CCSER1: variants seen among roughly 807,000 people sequenced by gnomAD.
The protein encoded by CCSER1 is serine-rich coiled-coil domain-containing protein 1.
Under a neutral mutation model 82.0 loss-of-function variants are expected in CCSER1, and 41 were observed. The ratio of observed to expected loss-of-function variants is 0.50; its 90% CI spans 0.39 to 0.65. CCSER1 has a LOEUF of 0.65. Among genes scored for constraint, CCSER1 ranks in the 30% least tolerant of loss-of-function variants. The probability of loss-of-function intolerance (pLI) is 0.00; values close to 1 mark genes in which losing one functional copy is unlikely to be tolerated. For synonymous variants in CCSER1, 414 were observed against 383.9 expected, an observed-to-expected ratio of 1.08 and a Z score of -0.92; for missense variants, 1,119 against 1,064.2, an observed-to-expected ratio of 1.05 and a Z score of -0.72.
chr4:91,470,267 ATT>A (rs1252154252), intron 10 of CCSER1, among the ~76,000 whole-genome samples: 1 of 152,194 alleles, frequency 6.6e-6, no homozygotes, highest in Admixed American at 6.5e-5. Context: ...TTTATTTCAC[ATT>A]TAAAGTTTCA....
intron 1 of CCSER1, among the ~76,000 whole-genome samples, chr4:90,131,298 G>C (rs1016417685): frequency 1.3e-5 from 2 of 152,234 alleles, no homozygotes; most frequent in Non-Finnish European, 2.9e-5. Flanking sequence ...ACCACGCCTG[G>C]CTTATATTGC....
At chr4:91,421,528 T>C (rs1484213065) in intron 10 of CCSER1, among the ~76,000 whole-genome samples, 1 of 152,176 alleles carries the variant, frequency 6.6e-6, no homozygotes, top group Non-Finnish European at 1.5e-5. Context: ...TATGGAGGCG[T>C]ATCTTCTTTA....
intron 4 of CCSER1, among the ~76,000 whole-genome samples, chr4:90,437,876 A>G (rs1165035830): frequency 6.6e-6 from 1 of 152,162 alleles, no homozygotes; most frequent in Non-Finnish European, 1.5e-5. Context: ...AGGTGATTTC[A>G]TGTTTATTCT....
intron 9 of CCSER1, among the ~76,000 whole-genome samples, chr4:90,925,537 T>C (rs1221630930): frequency 6.6e-6 from 1 of 152,174 alleles, no homozygotes; most frequent in Non-Finnish European, 1.5e-5. Flanking sequence ...TACTGAGGAA[T>C]GAACGACACC....
At chr4:91,444,489 A>T (rs1320005731) in intron 10 of CCSER1, among the ~76,000 whole-genome samples, 1 of 151,410 alleles carries the variant, frequency 6.6e-6, no homozygotes, top group Non-Finnish European at 1.5e-5. Context: ...TCCCTCTATC[A>T]CCCAGGCTGG....
chr4:90,320,369 T>TA (rs1204972822), intron 3 of CCSER1, among the ~76,000 whole-genome samples: 2 of 152,228 alleles, frequency 1.3e-5, no homozygotes, highest in African/African-American at 4.8e-5. Context: ...AGGTATTTCT[T>TA]ATGATGCATT....
chr4:90,940,163 C>G (rs1731423491), intron 9 of CCSER1, among the ~76,000 whole-genome samples: 1 of 151,932 alleles, frequency 6.6e-6, no homozygotes. Context: ...TACATTTTTT[C>G]CTCAAAAGCA....
chr4:90,264,065 G>C (rs1035181070), intron 1 of CCSER1, among the ~76,000 whole-genome samples: 1 of 152,158 alleles, frequency 6.6e-6, no homozygotes, highest in Non-Finnish European at 1.5e-5. Flanking sequence ...TTGACTTTTA[G>C]AGCACCATAG....
chr4:91,345,223 C>T (rs1747974148), intron 10 of CCSER1, among the ~76,000 whole-genome samples: 1 of 152,104 alleles, frequency 6.6e-6, no homozygotes, highest in Admixed American at 6.6e-5. Flanking sequence ...GAAACCCTGT[C>T]TCTACTAAAA....
chr4:90,351,217 A>C (rs903053558), intron 3 of CCSER1, among the ~76,000 whole-genome samples: 2 of 152,208 alleles, frequency 1.3e-5, no homozygotes, highest in African/African-American at 4.8e-5. Flanking sequence ...AAAGCAATAA[A>C]TCCAAATACA....
intron 1 of CCSER1, among the ~76,000 whole-genome samples, chr4:90,209,622 T>A (rs1236578346): frequency 6.6e-6 from 1 of 152,168 alleles, no homozygotes; most frequent in East Asian, 1.9e-4. Flanking sequence ...TTGAGAACAA[T>A]GGAATGTATA....
chr4:91,375,130 T>G (rs1750313763), intron 10 of CCSER1, among the ~76,000 whole-genome samples: 1 of 152,216 alleles, frequency 6.6e-6, no homozygotes, highest in Non-Finnish European at 1.5e-5. Context: ...CAGTCATGAT[T>G]CATGGGCAGA....
At chr4:90,917,593 C>T (rs748609138) in intron 8 of CCSER1, among the ~76,000 whole-genome samples, 65 of 152,050 alleles carry the variant, frequency 4.3e-4, no homozygotes, top group Non-Finnish European at 7.8e-4. Context: ...AGCACACCAA[C>T]GTGGCACATG....
chr4:91,265,434 C>T (rs62312000), intron 10 of CCSER1, among the ~76,000 whole-genome samples: 15,617 of 151,770 alleles, frequency 0.1, 959 homozygotes, highest in African/African-American at 0.15. Context: ...AACATATGTT[C>T]CTGTCAAACT....
intron 8 of CCSER1, among the ~76,000 whole-genome samples, chr4:90,896,984 G>A (rs1723805043): frequency 1.3e-5 from 2 of 151,850 alleles, no homozygotes; most frequent in Admixed American, 6.6e-5. Context: ...AGAAAGGAGA[G>A]TGAAATTAAA....
At chr4:91,551,695 A>ACACACACACC (rs1762168247) in intron 10 of CCSER1, among the ~76,000 whole-genome samples, 1 of 147,830 alleles carries the variant, frequency 6.8e-6, no homozygotes, top group Non-Finnish European at 1.5e-5. Context: ...ACACACACAC[A>ACACACACACC]CACACAATCA....
At chr4:90,729,370 C>T (rs376874513) in intron 7 of CCSER1, among the ~76,000 whole-genome samples, 8 of 152,112 alleles carry the variant, frequency 5.3e-5, no homozygotes, top group Admixed American at 4.6e-4. Flanking sequence ...TCAAGTTTAA[C>T]ATTTATTCCT....
intron 9 of CCSER1, among the ~76,000 whole-genome samples, chr4:91,034,773 G>A (rs576929698): frequency 1.4e-3 from 208 of 152,164 alleles, no homozygotes; most frequent in Non-Finnish European, 2.5e-3. Context: ...TGAAAAGCAG[G>A]CTAAAAATGT....
At chr4:90,438,307 G>T (rs1407549273) in intron 4 of CCSER1, among the ~76,000 whole-genome samples, 2 of 151,954 alleles carry the variant, frequency 1.3e-5, no homozygotes, top group Non-Finnish European at 2.9e-5. Context: ...CTATTAATAG[G>T]GTAAAACAAT....
Sources: allele counts gnomAD v4.1 joint callset (sites outside exome capture counted in the v4.1 genomes callset), GRCh38; gene constraint gnomAD v4.1.1; transcripts MANE v1.5; gene names NCBI Gene and HGNC (gene_info 2026-07-23, HGNC 2026-07-21).